The following DOP1A variants were observed in gnomAD, a reference collection of about 807,000 sequenced individuals.
DOP1A encodes the protein protein DOP1A.
In DOP1A, 90 loss-of-function variants were observed where a neutral mutation model predicts 267.6. That is an observed-to-expected ratio of 0.34 (90% CI 0.28 to 0.40). DOP1A has a LOEUF of 0.40. Among genes scored for constraint, DOP1A ranks in the 10% least tolerant of loss-of-function variants. DOP1A has a pLI of 1.00. For missense variants in DOP1A, 2,437 were observed against 2,900.4 expected (o/e 0.84, Z 3.67); for synonymous variants, 932 against 999.1 (o/e 0.93, Z 1.27).
Position 83,151,962 on chromosome 6 carries a change from A to C in DOP1A, c.5984A>C (p.Asn1995Thr), listed in dbSNP as rs1283915609. The C allele has an allele frequency of 6.8e-6, 11 of 1,614,010 alleles. No homozygotes were observed. Among genetic ancestry groups the C allele is most frequent in the Non-Finnish European group, 8.5e-6 (10 of 1,179,944 alleles). ...SLEQTTWLRR[N>T]LEVKPSPKIM... ...GAACAGACAACATGGCTGCGACGAA[A>C]TCTTGAAGTTAAGCCTTCTCCCAAA... The change falls in exon 29 of 39, where the codon AAT becomes ACT. Residue 1995 changes from asparagine to threonine, a missense_variant. By Grantham distance (65) the Asn-to-Thr change is moderately conservative. Transcript: ENST00000349129.
At position 83,120,797 on chromosome 6, in the gene DOP1A, G is replaced by A. The variant is rs771145551; in HGVS notation, c.1099+6G>A. On this transcript the variant is annotated splice_donor_region_variant and intron_variant, in intron 10 of 38. Transcript: ENST00000349129. ...ACTGGACAAACCTGAGCTAGGTAATGTATACTGTCCTAGGGCATAAGGTCA... is the reference window on the plus strand; with the variant it reads ...ACTGGACAAACCTGAGCTAGGTAATATATACTGTCCTAGGGCATAAGGTCA... 6.4e-6 allele frequency: 10 copies of A among 1,554,790 alleles called. No homozygotes were observed. Among genetic ancestry groups the A allele is most frequent in the Non-Finnish European group, 7.9e-6 (9 of 1,137,904 alleles).
chr6:83,085,378 T>C (rs1768936979), intron 1 of DOP1A, among the ~76,000 whole-genome samples: 1 of 152,134 alleles, frequency 6.6e-6, no homozygotes, highest in African/African-American at 2.4e-5. Context: ...AATAGGAAAA[T>C]TTCAAAGTGT....
intron 1 of DOP1A, among the ~76,000 whole-genome samples, chr6:83,087,268 A>T (rs970008662): frequency 3.9e-5 from 6 of 152,198 alleles, no homozygotes; most frequent in Non-Finnish European, 7.3e-5. Flanking sequence ...AGAAGGTATG[A>T]AATAGTTGTG....
chr6:83,152,152 T>C, intron 29 of DOP1A, 125 bp downstream of exon 29: 2 of 1,090,292 alleles, frequency 1.8e-6, no homozygotes, highest in Non-Finnish European at 2.6e-6. Context: ...AAGTAACTTT[T>C]TTTCAGTGGG....
At chr6:83,155,363 A>C (rs1337978386) in intron 33 of DOP1A, among the ~76,000 whole-genome samples, 1 of 151,938 alleles carries the variant, frequency 6.6e-6, no homozygotes, top group African/African-American at 2.4e-5. Context: ...GCTACTCAGG[A>C]GGCAGGAGGA....
intron 4 of DOP1A, among the ~76,000 whole-genome samples, chr6:83,106,806 T>TA (rs67887369): frequency 0.66 from 93,565 of 142,464 alleles, 31,457 homozygotes; most frequent in Middle Eastern, 0.79. Context: ...AGAGTCCATC[T>TA]AAAAAAAAAA....
In DOP1A at chr6:83,153,609, C is replaced by T. The variant is rs150225953; in HGVS notation, c.6228C>T (p.Leu2076=). The change falls in exon 31 of 39, where the codon CTC becomes CTT. Residue 2076 remains leucine (L), a synonymous_variant. Transcript: ENST00000349129. ...TTATGCATTATGTTGTGCCCTACCT[C>T]AGAAATCACAGGTACTATCATTATT... ...VNIMHYVVPY[L]RNHSAHNAPS... is the part of the protein sequence containing the mutation. 18 of 1,592,102 alleles carry T rather than the reference C, an allele frequency of 1.1e-5. No homozygotes were observed. Among genetic ancestry groups the T allele is most frequent in the Admixed American group, 1.7e-5 (1 of 57,444 alleles).
At chr6:83,163,445 T>C (rs1052263206) in intron 38 of DOP1A, among the ~76,000 whole-genome samples, 3 of 152,284 alleles carry the variant, frequency 2.0e-5, no homozygotes, top group Admixed American at 2.0e-4. Flanking sequence ...TTGTAAAATA[T>C]GAGTCAGATT....
downstream of DOP1A, chr6:83,168,583 CG>C: frequency 1.0e-6 from 1 of 996,892 alleles, no homozygotes. Flanking sequence ...GGCTGGGAAA[CG>C]TATTATAATT....
rs1777690526 is a variant in DOP1A, at chr6:83,129,479, CAG to C, written c.2315_2316del (p.Glu772ValfsTer4). ...TACATTGCTGAGGGGAACCATACAT[CAG>C]AGTTACGTTCTGAAAAATTGGAGAC... is the stretch of plus-strand genomic sequence containing the variant. On this transcript the variant is annotated frameshift_variant, in exon 16 of 39. Transcript: ENST00000349129. LOFTEE classifies it high-confidence loss of function. The C allele has an allele frequency of 1.3e-6, 2 of 1,550,100 alleles. No individual in the cohort carries two copies. Among genetic ancestry groups the C allele is most frequent in the Non-Finnish European group, 8.6e-7 (1 of 1,156,854 alleles).
chr6:83,156,249 A>G (rs914859650), intron 34 of DOP1A, 146 bp downstream of exon 34: 3 of 657,510 alleles, frequency 4.6e-6, no homozygotes, highest in African/African-American at 3.7e-5. Context: ...AACAATGAAA[A>G]TTATCAATGC....
chr6:83,113,268 G>A (rs936792168), intron 6 of DOP1A, 55 bp from the exon 7 acceptor site: 3 of 1,408,144 alleles, frequency 2.1e-6, no homozygotes, highest in Non-Finnish European at 3.0e-6. Flanking sequence ...ACATTTTCGT[G>A]GCAAAAATGT....
At chr6:83,126,582 G>A (rs1259794935) in intron 15 of DOP1A, among the ~76,000 whole-genome samples, 1 of 152,112 alleles carries the variant, frequency 6.6e-6, no homozygotes, top group African/African-American at 2.4e-5. Flanking sequence ...GTGTACAAAG[G>A]AAAATAATCA....
chr6:83,111,950 T>C (rs549110688), intron 6 of DOP1A, among the ~76,000 whole-genome samples: 65 of 152,288 alleles, frequency 4.3e-4, no homozygotes, highest in Admixed American at 7.2e-4. Context: ...GAAACCATTG[T>C]CTAATCCAAG....
intron 18 of DOP1A, 60 bp downstream of exon 18, chr6:83,132,388 T>C: frequency 8.1e-6 from 11 of 1,363,358 alleles, no homozygotes; most frequent in South Asian, 3.7e-5. Flanking sequence ...CACACACAAA[T>C]ACTGAAAAGT....
intron 1 of DOP1A, among the ~76,000 whole-genome samples, chr6:83,095,329 T>C (rs1771278674): frequency 6.6e-6 from 1 of 152,230 alleles, no homozygotes; most frequent in African/African-American, 2.4e-5. Flanking sequence ...AACTGTTACA[T>C]TTAGATCTCT....
chr6:83,101,638 AC>A (rs1582937794), intron 4 of DOP1A, among the ~76,000 whole-genome samples: 1 of 151,512 alleles, frequency 6.6e-6, no homozygotes, highest in East Asian at 1.9e-4. Flanking sequence ...CTCTACCCAA[AC>A]TCCACACAGA....
chr6:83,161,565 A>G (rs894869694), intron 37 of DOP1A, among the ~76,000 whole-genome samples: 1 of 152,206 alleles, frequency 6.6e-6, no homozygotes, highest in Non-Finnish European at 1.5e-5. Context: ...TGAGCCAATG[A>G]GCAAGACAGT....
intron 19 of DOP1A, among the ~76,000 whole-genome samples, chr6:83,135,248 CA>C (rs763814615): frequency 0.022 from 3,292 of 152,076 alleles, 40 homozygotes; most frequent in African/African-American, 0.036. Context: ...AGCAGAGGAA[CA>C]TGGACCAACA....
Sources: gnomAD v4.1 joint callset for allele counts (sites outside exome capture counted in the v4.1 genomes callset) on GRCh38, gnomAD v4.1.1 for gene constraint, MANE v1.5 for transcripts, NCBI Gene and HGNC (gene_info 2026-07-23, HGNC 2026-07-21) for gene names.